The following HSD17B12 variants were observed in gnomAD, a reference collection of about 807,000 sequenced individuals.
The protein encoded by HSD17B12 is hydroxysteroid 17-beta dehydrogenase 12.
HSD17B12 carries 32 observed loss-of-function variants against 39.3 expected under a neutral mutation model. The observed-to-expected ratio is 0.81, with a 90% CI of 0.61 to 1.09. The LOEUF is 1.09. Ranked by LOEUF, HSD17B12 falls within the 50% of genes least tolerant of loss-of-function variation. The probability of loss-of-function intolerance (pLI) is 0.00; values close to 1 mark genes in which losing one functional copy is unlikely to be tolerated. For synonymous variants in HSD17B12, 150 were observed against 146.7 expected (o/e 1.02, Z -0.16); for missense variants, 342 against 382.9 (o/e 0.89, Z 0.89).
chr11:43,744,649 A>G (rs966360854), intron 1 of HSD17B12, among the ~76,000 whole-genome samples: 1 of 152,194 alleles, frequency 6.6e-6, no homozygotes, highest in Non-Finnish European at 1.5e-5. Context: ...CCTAGATCAG[A>G]AAAAGGACAT....
At chr11:43,710,457 C>T (rs913476606) in intron 1 of HSD17B12, among the ~76,000 whole-genome samples, 4 of 152,060 alleles carry the variant, frequency 2.6e-5, no homozygotes, top group African/African-American at 9.7e-5. Context: ...ACTGCCAGAG[C>T]GAACTCACTT....
the HSD17B12 span, among the ~76,000 whole-genome samples, chr11:43,622,154 C>G: frequency 2.0e-5 from 3 of 152,158 alleles, no homozygotes; most frequent in Non-Finnish European, 2.9e-5. Context: ...TGCATGGGCT[C>G]TGTCATTCAA....
the HSD17B12 span, among the ~76,000 whole-genome samples, chr11:43,643,998 TGAG>T: frequency 2.4e-3 from 361 of 152,296 alleles, 4 homozygotes; most frequent in African/African-American, 8.3e-3. Flanking sequence ...TCTGAGCAGT[TGAG>T]GTTGTTTGTG....
At chr11:43,665,359 C>T in the HSD17B12 span, among the ~76,000 whole-genome samples, 2 of 152,152 alleles carry the variant, frequency 1.3e-5, no homozygotes. Context: ...GCTGGGACTG[C>T]AGGCATGCGC....
rs546325286 is a variant in HSD17B12, at chr11:43,695,536, C to T, written c.160+14549C>T. Among the ~76,000 whole-genome samples the T allele has an allele frequency of 4.6e-5, 7 of 152,276 alleles. 1 individual carries two copies. The highest frequency in any genetic ancestry group is 2.6e-4 in the Admixed American group (4 of 15,300). On this transcript the variant is annotated intron_variant, in intron 1 of 10. Coordinates refer to ENST00000278353, the MANE Select transcript of HSD17B12 (RefSeq NM_016142.3). The stretch of plus-strand genomic sequence containing the variant: ...GAGGTTGCAATGAATTGAGATTGCA[C>T]CATTGCACTCTCGCCTGGGCAACAA...
chr11:43,753,324 T>C (rs1398694250), intron 2 of HSD17B12, among the ~76,000 whole-genome samples: 1 of 151,876 alleles, frequency 6.6e-6, no homozygotes, highest in Non-Finnish European at 1.5e-5. Context: ...AAAATTTTAG[T>C]AGTAGTTTCC....
the HSD17B12 span, among the ~76,000 whole-genome samples, chr11:43,606,754 A>G: frequency 6.6e-6 from 1 of 152,228 alleles, no homozygotes; most frequent in African/African-American, 2.4e-5. Flanking sequence ...GCAGTGCTCT[A>G]TGTGAAAGGG....
At chr11:43,567,968 G>A in the HSD17B12 span, among the ~76,000 whole-genome samples, 1 of 152,090 alleles carries the variant, frequency 6.6e-6, no homozygotes, top group Non-Finnish European at 1.5e-5. Context: ...AAGAGTCAAC[G>A]GACAATGTGA....
chr11:43,646,283 G>A, the HSD17B12 span: 2 of 152,236 alleles, frequency 1.3e-5, no homozygotes, highest in Non-Finnish European at 2.9e-5. Context: ...TCAGATCTCA[G>A]GAAAGTATTT....
intron 9 of HSD17B12, among the ~76,000 whole-genome samples, chr11:43,848,204 A>G (rs1951497056): frequency 6.6e-6 from 1 of 152,232 alleles, no homozygotes; most frequent in South Asian, 2.1e-4. Context: ...TGTATGGCCA[A>G]CTATACCAAT....
chr11:43,671,636 C>G, the HSD17B12 span, among the ~76,000 whole-genome samples: 1 of 152,292 alleles, frequency 6.6e-6, no homozygotes, highest in Middle Eastern at 3.4e-3. Flanking sequence ...CAAGATTTCA[C>G]TATGATATTT....
chr11:43,757,968 G>A (rs7928992), intron 3 of HSD17B12, among the ~76,000 whole-genome samples: 6,803 of 152,156 alleles, frequency 0.045, 431 homozygotes, highest in African/African-American at 0.14. Context: ...GGGATTGTGT[G>A]TGTGCAAGTT....
At chr11:43,588,438 A>G in the HSD17B12 span, among the ~76,000 whole-genome samples, 19 of 152,296 alleles carry the variant, frequency 1.2e-4, no homozygotes, top group African/African-American at 3.8e-4. Flanking sequence ...AGGCTAAAGT[A>G]TAGGAAAATC....
chr11:43,566,527 C>T, the HSD17B12 span, among the ~76,000 whole-genome samples: 1 of 150,606 alleles, frequency 6.6e-6, no homozygotes, highest in Non-Finnish European at 1.5e-5. Flanking sequence ...TTAACTGTGA[C>T]CCAGAACTTT....
chr11:43,697,715 G>A (rs900264851), intron 1 of HSD17B12, among the ~76,000 whole-genome samples: 6 of 152,190 alleles, frequency 3.9e-5, no homozygotes, highest in Admixed American at 1.3e-4. Context: ...AACACCTTGG[G>A]TGAAGACCTT....
At chr11:43,625,136 T>C in the HSD17B12 span, among the ~76,000 whole-genome samples, 1 of 151,816 alleles carries the variant, frequency 6.6e-6, no homozygotes, top group African/African-American at 2.4e-5. Flanking sequence ...GGCTGTTTTA[T>C]GTTTTAAAAA....
At position 43,715,069 on chromosome 11, in the gene HSD17B12, G is replaced by A. The variant is rs188939425; in HGVS notation, c.160+34082G>A. Among the ~76,000 whole-genome samples, 1,134 of 152,232 alleles carry A rather than the reference G, an allele frequency of 7.4e-3. 13 individuals are homozygous for A. Among genetic ancestry groups the A allele is most frequent in the African/African-American group, 0.026 (1,082 of 41,542 alleles). Reference sequence around the variant, plus strand: ...TAGATACACAATCATGTCATCTGCAGACAGGGACAATTTGACTTCCTCTTT... The same window carrying A: ...TAGATACACAATCATGTCATCTGCAAACAGGGACAATTTGACTTCCTCTTT... On this transcript the variant is annotated intron_variant, in intron 1 of 10. Coordinates refer to ENST00000278353, the MANE Select transcript of HSD17B12 (RefSeq NM_016142.3).
At chr11:43,737,412 A>T (rs1950326565) in intron 1 of HSD17B12, among the ~76,000 whole-genome samples, 1 of 152,226 alleles carries the variant, frequency 6.6e-6, no homozygotes, top group Non-Finnish European at 1.5e-5. Flanking sequence ...GTCAGTTGCC[A>T]GTATTTTATA....
intron 9 of HSD17B12, among the ~76,000 whole-genome samples, chr11:43,843,961 A>G (rs565434032): frequency 1.3e-5 from 2 of 152,322 alleles, no homozygotes; most frequent in African/African-American, 4.8e-5. Context: ...ATGGCATCAC[A>G]GAAAACTCTG....
Sources: allele counts gnomAD v4.1 joint callset (sites outside exome capture counted in the v4.1 genomes callset), GRCh38; gene constraint gnomAD v4.1.1; transcripts MANE v1.5; gene names NCBI Gene and HGNC (gene_info 2026-07-23, HGNC 2026-07-21).